The following PCDH15 variants were observed in gnomAD, a reference collection of about 807,000 sequenced individuals.
The protein encoded by PCDH15 is protocadherin-15.
In PCDH15, 129 loss-of-function variants were observed where a neutral mutation model predicts 178.5. The observed-to-expected ratio is 0.72, with a 90% confidence interval of 0.63 to 0.84. PCDH15 has a LOEUF of 0.84. Among genes scored for constraint, PCDH15 ranks in the 40% least tolerant of loss-of-function variants. The probability of loss-of-function intolerance (pLI) is 0.00; values close to 1 mark genes in which losing one functional copy is unlikely to be tolerated. For missense variants in PCDH15, 2,230 were observed against 2,099.9 expected, an observed-to-expected ratio of 1.06 and a Z score of -1.21; for synonymous variants, 800 against 732.0, an observed-to-expected ratio of 1.09 and a Z score of -1.50.
intron 1 of PCDH15, among the ~76,000 whole-genome samples, chr10:55,256,836 C>G (rs984064259): frequency 2.0e-5 from 3 of 152,320 alleles, no homozygotes; most frequent in Middle Eastern, 6.8e-3. Context: ...AAAACCTCTG[C>G]AGACTTAACT....
intron 9 of PCDH15, among the ~76,000 whole-genome samples, chr10:54,214,548 A>G (rs2051794307): frequency 6.6e-6 from 1 of 152,088 alleles, no homozygotes; most frequent in African/African-American, 2.4e-5. Flanking sequence ...TAGTAAATTA[A>G]ATATAGGTTC....
At chr10:55,229,982 A>C (rs1239579868) in intron 1 of PCDH15, among the ~76,000 whole-genome samples, 3 of 152,054 alleles carry the variant, frequency 2.0e-5, no homozygotes, top group Non-Finnish European at 4.4e-5. Context: ...ACTGAACAAT[A>C]GCAATGGGGC....
At chr10:55,260,433 A>G (rs1351114302) in intron 1 of PCDH15, among the ~76,000 whole-genome samples, 4 of 152,218 alleles carry the variant, frequency 2.6e-5, no homozygotes, top group African/African-American at 9.6e-5. Flanking sequence ...TAATTTGTAC[A>G]TTATTTTCGA....
chr10:53,837,798 T>A (rs775055972), intron 29 of PCDH15, among the ~76,000 whole-genome samples: 1 of 151,856 alleles, frequency 6.6e-6, no homozygotes, highest in Non-Finnish European at 1.5e-5. Flanking sequence ...TATATGTATG[T>A]GTATACAATT....
intron 2 of PCDH15, among the ~76,000 whole-genome samples, chr10:55,473,531 G>C (rs574635084): frequency 6.6e-6 from 1 of 152,168 alleles, no homozygotes; most frequent in African/African-American, 2.4e-5. Flanking sequence ...AGAACACCTT[G>C]AAACAGACAG....
intron 8 of PCDH15, among the ~76,000 whole-genome samples, chr10:54,239,575 C>T (rs2055023893): frequency 6.6e-6 from 1 of 151,784 alleles, no homozygotes; most frequent in African/African-American, 2.4e-5. Context: ...TTACATAAAG[C>T]CATTTGGTAC....
intron 3 of PCDH15, among the ~76,000 whole-genome samples, chr10:54,438,689 A>G (rs1363084690): frequency 6.6e-6 from 1 of 152,066 alleles, no homozygotes; most frequent in Non-Finnish European, 1.5e-5. Flanking sequence ...AAACTGTCTC[A>G]TCATGTATGG....
chr10:54,529,651 T>C (rs2083708595), intron 2 of PCDH15, among the ~76,000 whole-genome samples: 2 of 152,112 alleles, frequency 1.3e-5, no homozygotes, highest in Non-Finnish European at 2.9e-5. Flanking sequence ...GTTATCTAAA[T>C]TCATTGTTGC....
intron 18 of PCDH15, 110 bp downstream of exon 18, chr10:54,066,645 GCA>G (rs2096215505): frequency 9.6e-7 from 1 of 1,042,574 alleles, no homozygotes; most frequent in Non-Finnish European, 1.4e-6. Context: ...AGAATATCCA[GCA>G]CAGTCATTTA....
chr10:55,615,508 A>G (rs1312779276), intron 2 of PCDH15, among the ~76,000 whole-genome samples: 1 of 152,188 alleles, frequency 6.6e-6, no homozygotes, highest in Non-Finnish European at 1.5e-5. Context: ...AAATATATAT[A>G]TTGTATACGA....
chr10:55,273,932 A>G (rs1842516978), intron 1 of PCDH15, among the ~76,000 whole-genome samples: 1 of 151,882 alleles, frequency 6.6e-6, no homozygotes, highest in Non-Finnish European at 1.5e-5. Flanking sequence ...CACCTCCCAC[A>G]CACACACACA....
intron 2 of PCDH15, among the ~76,000 whole-genome samples, chr10:55,474,556 C>T (rs1840026944): frequency 1.3e-5 from 2 of 152,050 alleles, no homozygotes; most frequent in Admixed American, 1.3e-4. Context: ...CCAGCATGGC[C>T]TCAGATATTA....
intron 5 of PCDH15, among the ~76,000 whole-genome samples, chr10:54,355,400 G>T (rs1944824133): frequency 6.6e-6 from 1 of 151,774 alleles, no homozygotes; most frequent in South Asian, 2.1e-4. Flanking sequence ...TTTACAGAAG[G>T]AGAAATAAAT....
intron 2 of PCDH15, among the ~76,000 whole-genome samples, chr10:55,406,245 A>G (rs1385022582): frequency 6.6e-6 from 1 of 151,962 alleles, no homozygotes; most frequent in African/African-American, 2.4e-5. Flanking sequence ...TGAAAAGGGG[A>G]CAGATAACTT....
chr10:54,162,728 G>C (rs1363014557), intron 13 of PCDH15, among the ~76,000 whole-genome samples: 1 of 152,146 alleles, frequency 6.6e-6, no homozygotes, highest in Non-Finnish European at 1.5e-5. Flanking sequence ...CAGAATATGA[G>C]ATAGGATTGT....
intron 1 of PCDH15, among the ~76,000 whole-genome samples, chr10:54,774,156 G>A (rs1173950820): frequency 6.6e-6 from 1 of 151,516 alleles, no homozygotes; most frequent in Non-Finnish European, 1.5e-5. Context: ...AACCTCCCGA[G>A]TAGCTAGGAC....
intron 3 of PCDH15, chr10:54,864,914 T>C (rs960328030): frequency 2.6e-5 from 4 of 152,056 alleles, no homozygotes; most frequent in Admixed American, 2.0e-4. Context: ...ATTCAATAAG[T>C]TTAGCTCATA....
At chr10:54,537,391 AAGG>A (rs2084698221) in intron 2 of PCDH15, among the ~76,000 whole-genome samples, 1 of 152,092 alleles carries the variant, frequency 6.6e-6, no homozygotes, top group Admixed American at 6.5e-5. Context: ...CTAAAATATC[AAGG>A]AGGAGAGTCT....
At chr10:53,864,526 GGT>G (rs933717070) in intron 27 of PCDH15, among the ~76,000 whole-genome samples, 1 of 152,090 alleles carries the variant, frequency 6.6e-6, no homozygotes, top group African/African-American at 2.4e-5. Context: ...TCAGGCCTTG[GGT>G]CAATTCAGCT....
Sources: gnomAD v4.1 joint callset for allele counts (sites outside exome capture counted in the v4.1 genomes callset) on GRCh38, gnomAD v4.1.1 for gene constraint, MANE v1.5 for transcripts, NCBI Gene and HGNC (gene_info 2026-07-23, HGNC 2026-07-21) for gene names.